Variants in URB1 observed in about 807,000 individuals in gnomAD.
URB1 encodes the protein nucleolar pre-ribosomal-associated protein 1.
A neutral mutation model predicts 242.3 loss-of-function variants in URB1; 197 were observed. The observed-to-expected ratio is 0.81, with a 90% confidence interval of 0.72 to 0.91. The LOEUF (loss-of-function observed/expected upper bound fraction) is 0.91. Ranked by LOEUF, URB1 falls within the 40% of genes least tolerant of loss-of-function variation. The pLI is 0.00. For missense variants in URB1, 2,721 were observed against 2,860.5 expected, an observed-to-expected ratio of 0.95 and a Z score of 1.11; for synonymous variants, 1,153 against 1,201.8, an observed-to-expected ratio of 0.96 and a Z score of 0.84.
rs2033131289 is a variant in URB1 at position 32,349,466 on chromosome 21, G to T, written c.2850C>A (p.Gly950=). ...CCAGGAAGAGCTGCAGGAGGGGCGG[G>T]CCCACACTTCTGCCCAGCTGTGAGG... is the stretch of plus-strand genomic sequence containing the variant. ...ENFGQLGRSV[G]PPLLQLFLDL... Residue 950 remains glycine (G), a synonymous_variant, in exon 21 of 39, where the codon GGC becomes GGA. Coordinates refer to ENST00000382751, the MANE Select transcript of URB1 (RefSeq NM_014825.3). The T allele has an allele frequency of 6.5e-7, 1 of 1,549,658 alleles. No individual in the cohort carries two copies. The highest frequency in any genetic ancestry group is 1.4e-5 in the African/African-American group (1 of 72,998).
chr21:32,349,142 C>T (rs555015814), intron 21 of URB1, among the ~76,000 whole-genome samples, 162 bp downstream of exon 21: 15 of 152,364 alleles, frequency 9.8e-5, no homozygotes, highest in Admixed American at 3.9e-4. Flanking sequence ...CAAATTAAAC[C>T]GCATGCTGGG....
intron 8 of URB1, among the ~76,000 whole-genome samples, chr21:32,371,740 A>G (rs1290440139): frequency 6.6e-6 from 1 of 152,234 alleles, no homozygotes; most frequent in Non-Finnish European, 1.5e-5. Context: ...TTACAATGAC[A>G]AGAAAACATG....
chr21:32,391,373 A>G (rs2033636530), intron 1 of URB1, among the ~76,000 whole-genome samples: 1 of 151,942 alleles, frequency 6.6e-6, no homozygotes, highest in Non-Finnish European at 1.5e-5. Context: ...TATGATTAAA[A>G]AAAAAAGAAA....
intron 27 of URB1, 108 bp from the exon 28 acceptor site, chr21:32,337,265 A>C: frequency 7.3e-7 from 1 of 1,364,058 alleles, no homozygotes; most frequent in African/African-American, 1.4e-5. Flanking sequence ...CGGTCCTCAT[A>C]TCTTCACCCT....
chr21:32,345,542 G>T lies in URB1; in HGVS notation c.3902C>A (p.Thr1301Asn). ...CCTGCTCTGTAGCTGCCTCCACAGGGTCTTCCTCAAGACAGGAATGACAGC... is the reference window on the plus strand; with the variant it reads ...CCTGCTCTGTAGCTGCCTCCACAGGTTCTTCCTCAAGACAGGAATGACAGC... Reference protein sequence around the residue: ...SSAVIPVLRKTLWRQLQSRLL... With the variant: ...SSAVIPVLRKNLWRQLQSRLL... Residue 1301 changes from threonine (T) to asparagine (N), a missense_variant, in exon 23 of 39, where the codon ACC becomes AAC. Transcript: ENST00000382751. 1 of 1,548,142 alleles carries T rather than the reference G, an allele frequency of 6.5e-7. No individual in the cohort carries two copies. The highest frequency in any genetic ancestry group is 8.7e-7 in the Non-Finnish European group (1 of 1,144,042).
chr21:32,381,386 C>T (rs899270719), intron 4 of URB1, among the ~76,000 whole-genome samples: 1 of 149,696 alleles, frequency 6.7e-6, no homozygotes, highest in African/African-American at 2.5e-5. Flanking sequence ...TTCTTCATGA[C>T]GCTTTAATAA....
intron 36 of URB1, among the ~76,000 whole-genome samples, chr21:32,318,573 T>C (rs2123540930): frequency 6.6e-6 from 1 of 152,342 alleles, no homozygotes; most frequent in East Asian, 1.9e-4. Context: ...CAGGACATTT[T>C]TCCTTCTGAG....
At chr21:32,322,638 G>C in intron 32 of URB1, 54 bp from the exon 33 acceptor site, 2 of 1,350,288 alleles carry the variant, frequency 1.5e-6, no homozygotes, top group South Asian at 1.2e-5. Context: ...GACGCCCCCT[G>C]GTCTGGCAGC....
chr21:32,314,777 T>C lies in URB1; in HGVS notation c.*141A>G, dbSNP rs1013154452. ...TTCAATAAAGTCCTCTCAACTTTTC[T>C]TGTCAAAGAACTGAGCCAATGTACT... On this transcript the variant is annotated 3_prime_UTR_variant, in exon 39 of 39. Transcript: ENST00000382751. 2.1e-6 allele frequency: 3 copies of C among 1,448,292 alleles called. No individual in the cohort carries two copies. The highest frequency in any genetic ancestry group is 2.5e-5 in the South Asian group (2 of 80,206). The allele number at this position is 1,448,292 out of a possible 1,614,324, so 89.7% of individuals were successfully genotyped here. A position where few individuals can be genotyped will look rare whatever the true frequency, so the allele number is the denominator to read the frequency against.
chr21:32,358,496 T>C (rs534552693), intron 14 of URB1, among the ~76,000 whole-genome samples: 1 of 152,288 alleles, frequency 6.6e-6, no homozygotes, highest in Non-Finnish European at 1.5e-5. Context: ...AACAAGTACA[T>C]GGAGCTCCAG....
intron 32 of URB1, 105 bp downstream of exon 32, chr21:32,324,386 A>G (rs1325985547): frequency 1.1e-6 from 1 of 923,124 alleles, no homozygotes; most frequent in African/African-American, 1.6e-5. Context: ...AGTGGCCTTG[A>G]ACACAGATGT....
chr21:32,342,179 A>G (rs2033038096), intron 24 of URB1, among the ~76,000 whole-genome samples: 1 of 152,238 alleles, frequency 6.6e-6, no homozygotes. Flanking sequence ...CTATCATTTC[A>G]AATAGCACTA....
rs1199399444 is a variant in URB1 at position 32,347,317 on chromosome 21, CAGCTG to C, written c.3502_3506del (p.Gln1168AlafsTer4). The stretch of plus-strand genomic sequence containing the variant: ...AGGACCACAGGAGCTCACCACTCTG[CAGCTG>C]ATCCTGGGGGCTGCAGGTCAGCAGC... On this transcript the variant is annotated frameshift_variant, in exon 22 of 39. Coordinates refer to ENST00000382751, the MANE Select transcript of URB1 (RefSeq NM_014825.3). LOFTEE classifies it high-confidence loss of function. 6.4e-7 allele frequency: 1 copy of C among 1,551,196 alleles called. No individual in the cohort carries two copies. The highest frequency in any genetic ancestry group is 2.0e-5 in the Admixed American group (1 of 50,990).
Position 32,362,021 on chromosome 21 carries a change from T to C in URB1, c.1510A>G (p.Ile504Val). 2 of 1,551,010 alleles carry C rather than the reference T, an allele frequency of 1.3e-6. No individual in the cohort carries two copies. The highest frequency in any genetic ancestry group is 1.7e-6 in the Non-Finnish European group (2 of 1,146,790). ...VQLFREALSK[I>V]LPDLNTVVWV... The stretch of plus-strand genomic sequence containing the variant: ...ACGACAGTGTTCAGGTCTGGCAAAA[T>C]CTAAATGGGAAAAAGAAGCAGAACA... Residue 504 changes from isoleucine to valine, a missense_variant and splice_region_variant, in exon 12 of 39, where the codon ATT becomes GTT. Transcript: ENST00000382751.
chr21:32,376,939 G>A (rs1171443896), intron 5 of URB1, among the ~76,000 whole-genome samples: 2 of 152,142 alleles, frequency 1.3e-5, no homozygotes, highest in East Asian at 1.9e-4. Context: ...TGGGATTACA[G>A]GTGTGAGCCA....
rs149287686 is a variant in URB1, at chr21:32,315,471, G to A, written c.6635-372C>T. Among the ~76,000 whole-genome samples, 590 of 152,102 alleles carry A rather than the reference G, an allele frequency of 3.9e-3. 4 individuals carry two copies. The highest frequency in any genetic ancestry group is 0.013 in the African/African-American group (533 of 41,494). The stretch of plus-strand genomic sequence containing the variant: ...TGGGACTACAGGCATGTGCCACCAC[G>A]CCCGGCTAATTTTTGTAGAGACAGG... On this transcript the variant is annotated intron_variant, in intron 38 of 38. Coordinates refer to ENST00000382751, the MANE Select transcript of URB1 (RefSeq NM_014825.3).
chr21:32,382,745 T>C (rs911288179), intron 4 of URB1, among the ~76,000 whole-genome samples: 1 of 152,074 alleles, frequency 6.6e-6, no homozygotes, highest in African/African-American at 2.4e-5. Flanking sequence ...ACAGACAACC[T>C]GGAGCCAGCA....
At chr21:32,373,263 CACA>C (rs1032456168) in intron 7 of URB1, among the ~76,000 whole-genome samples, 11 of 152,100 alleles carry the variant, frequency 7.2e-5, no homozygotes, top group African/African-American at 1.7e-4. Context: ...ACAAAAAACA[CACA>C]ACAAGCCTTG....
At chr21:32,392,350 T>C (rs1601164177) in intron 1 of URB1, among the ~76,000 whole-genome samples, 2 of 152,160 alleles carry the variant, frequency 1.3e-5, no homozygotes, top group Non-Finnish European at 2.9e-5. Context: ...AGTATGAGTG[T>C]TGGGGGATGG....
Sources: gnomAD v4.1 joint callset for allele counts (sites outside exome capture counted in the v4.1 genomes callset) on GRCh38, gnomAD v4.1.1 for gene constraint, MANE v1.5 for transcripts, NCBI Gene and HGNC (gene_info 2026-07-23, HGNC 2026-07-21) for gene names.